Variants in ANKHD1 observed in about 807,000 individuals in gnomAD.
ANKHD1 encodes ankyrin repeat and KH domain-containing protein 1.
A neutral mutation model predicts 230.5 loss-of-function variants in ANKHD1; 31 were observed. That is an observed-to-expected ratio of 0.13 (90% CI 0.10 to 0.18). The LOEUF (loss-of-function observed/expected upper bound fraction) is 0.18, where lower values mean the gene tolerates loss of function less well. ANKHD1 is among the 10% of genes least tolerant of loss of function. The pLI is 1.00. For synonymous variants in ANKHD1, 1,074 were observed against 1,117.6 expected, an observed-to-expected ratio of 0.96 and a Z score of 0.78; for missense variants, 2,256 against 3,071.3, an observed-to-expected ratio of 0.73 and a Z score of 6.27.
intron 7 of ANKHD1, among the ~76,000 whole-genome samples, chr5:140,454,223 G>A (rs541277847): frequency 6.6e-6 from 1 of 152,230 alleles, no homozygotes; most frequent in African/African-American, 2.4e-5. Flanking sequence ...AGTCCTTAGA[G>A]ACCTACAAAG....
chr5:140,422,899 AG>A (rs1477119572), intron 1 of ANKHD1, among the ~76,000 whole-genome samples: 3 of 151,592 alleles, frequency 2.0e-5, no homozygotes, highest in Non-Finnish European at 4.4e-5. Flanking sequence ...TTTTTGAGAC[AG>A]GGTCTTGCTC....
At chr5:140,528,161 TTC>T in intron 28 of ANKHD1, 21 bp from the exon 29 acceptor site, 1 of 1,557,234 alleles carries the variant, frequency 6.4e-7, no homozygotes, top group Non-Finnish European at 8.6e-7. Context: ...TTGGTCTTGT[TTC>T]TGTTTTTTTT....
intron 15 of ANKHD1, among the ~76,000 whole-genome samples, chr5:140,503,997 G>A (rs554828049): frequency 6.6e-6 from 1 of 152,098 alleles, no homozygotes; most frequent in South Asian, 2.1e-4. Flanking sequence ...ATTGAATTTA[G>A]GAAACACATA....
chr5:140,454,580 A>C (rs535321895), intron 7 of ANKHD1, among the ~76,000 whole-genome samples: 1 of 152,210 alleles, frequency 6.6e-6, no homozygotes, highest in African/African-American at 2.4e-5. Context: ...GCTCAACTAC[A>C]TGGAAACTGA....
At chr5:140,477,429 T>C (rs572361409) in intron 10 of ANKHD1, among the ~76,000 whole-genome samples, 1 of 152,316 alleles carries the variant, frequency 6.6e-6, no homozygotes, top group African/African-American at 2.4e-5. Context: ...AAATATACTT[T>C]ATATTCTTTT....
At chr5:140,513,504 T>C (rs755879423) in intron 24 of ANKHD1, 25 bp downstream of exon 24, 2 of 1,606,784 alleles carry the variant, frequency 1.2e-6, no homozygotes, top group Non-Finnish European at 1.7e-6. Context: ...TAATTTTCCT[T>C]TTTAGAAATT....
In ANKHD1 at chr5:140,452,554, C is replaced by A. The variant is rs1286018406; in HGVS notation, c.1242+3249C>A. On this transcript the variant is annotated intron_variant, in intron 7 of 33. Transcript: ENST00000360839. ...AGGAACGATCAGGCAGGAACATTTG[C>A]TATTCAGCAATATTCACTGTTCTGC... Among the ~76,000 whole-genome samples the A allele has an allele frequency of 2.0e-5, 3 of 152,300 alleles. 1 individual carries two copies. The highest frequency in any genetic ancestry group is 3.9e-4 in the East Asian group (2 of 5,170).
Position 140,493,124 on chromosome 5 carries a change from C to T in ANKHD1, c.2246-3396C>T, listed in dbSNP as rs560742734. Among the ~76,000 whole-genome samples, 289 of 152,286 alleles carry T rather than the reference C, an allele frequency of 1.9e-3. 1 individual carries two copies. Among genetic ancestry groups the T allele is most frequent in the Middle Eastern group, 6.8e-3 (2 of 294 alleles). On this transcript the variant is annotated intron_variant, in intron 14 of 33. Coordinates refer to ENST00000360839, the MANE Select transcript of ANKHD1 (RefSeq NM_017747.3). ...TTGCCCAGGCTGGAGTGCATTGGCA[C>T]GATCTCAGCTCGCTGCAACTTCTGC...
rs751544763 is a variant in ANKHD1, at chr5:140,507,029, TTAAATGTC to T, written c.3551+55_3551+62del. 2 of 1,595,492 alleles carry T rather than the reference TTAAATGTC, an allele frequency of 1.3e-6. No individual in the cohort carries two copies. Among genetic ancestry groups the T allele is most frequent in the Non-Finnish European group, 1.7e-6 (2 of 1,173,164 alleles). On this transcript the variant is annotated intron_variant, in intron 19 of 33. Coordinates refer to ENST00000360839, the MANE Select transcript of ANKHD1 (RefSeq NM_017747.3). The surrounding 1 kb of genome is among the most constrained non-coding windows in gnomAD (Gnocchi z 4.1). ...TGTTTAGTAAGTTACTACTTTGGACTTAAATGTCTACCTCTTAACGTTTAGACAGATAC... is the reference window on the plus strand; with the variant it reads ...TGTTTAGTAAGTTACTACTTTGGACTTACCTCTTAACGTTTAGACAGATAC...
At chr5:140,499,712 C>A (rs1210521314) in intron 15 of ANKHD1, among the ~76,000 whole-genome samples, 1 of 152,006 alleles carries the variant, frequency 6.6e-6, no homozygotes, top group Non-Finnish European at 1.5e-5. Context: ...AACATGGTTC[C>A]TCAAGTCCTT....
chr5:140,504,830 C>T lies in ANKHD1; in HGVS notation c.3014C>T (p.Thr1005Ile). ...TLDDLIAAVS[T>I]RVPTGSNSSS... ...GAATATTGTTTTTCAGCTGTGAGTA[C>T]CAGAGTGCCCACTGGTTCCAACAGT... The change falls in exon 16 of 34, where the codon ACC (threonine) becomes ATC (isoleucine). Residue 1005 changes from threonine to isoleucine, a missense_variant. Around this residue, in one of 13 missense-constraint regions of ANKHD1, gnomAD observed 358 missense variants for 397.7 expected, o/e 0.90. Coordinates refer to ENST00000360839, the MANE Select transcript of ANKHD1 (RefSeq NM_017747.3). 6.2e-7 allele frequency: 1 copy of T among 1,612,620 alleles called. No individual in the cohort carries two copies. Among genetic ancestry groups the T allele is most frequent in the Non-Finnish European group, 8.5e-7 (1 of 1,179,632 alleles).
intron 1 of ANKHD1, among the ~76,000 whole-genome samples, chr5:140,414,547 G>A (rs1561682569): frequency 6.6e-6 from 1 of 152,058 alleles, no homozygotes; most frequent in Non-Finnish European, 1.5e-5. Flanking sequence ...AAATTGTATT[G>A]CCGATTAGGC....
intron 8 of ANKHD1, 49 bp from the exon 9 acceptor site, chr5:140,459,115 T>A: frequency 7.2e-7 from 1 of 1,396,388 alleles, no homozygotes; most frequent in Non-Finnish European, 9.4e-7. Flanking sequence ...TTAATATCTT[T>A]ATTATAAGTC....
chr5:140,471,397 G>A (rs1468733647), intron 10 of ANKHD1, among the ~76,000 whole-genome samples: 1 of 152,178 alleles, frequency 6.6e-6, no homozygotes, highest in Non-Finnish European at 1.5e-5. Flanking sequence ...GTATTTTAAT[G>A]GGACTGGCTA....
chr5:140,514,889 T>C lies in ANKHD1; in HGVS notation c.4317+1410T>C, dbSNP rs143585577. Among the ~76,000 whole-genome samples, 17 of 151,886 alleles carry C rather than the reference T, an allele frequency of 1.1e-4. No individual in the cohort carries two copies. In the East Asian group the frequency reaches 3.1e-3, roughly 28 times the overall value. On this transcript the variant is annotated intron_variant, in intron 24 of 33. Transcript: ENST00000360839. ...CAGGAGGCTGAGGCGAGAGGATCTC[T>C]TGGGCCTGGGAGGTTGAGGCTGCAA... is the stretch of plus-strand genomic sequence containing the variant.
chr5:140,491,135 TACAC>T (rs759585504), intron 14 of ANKHD1, among the ~76,000 whole-genome samples: 68 of 75,024 alleles, frequency 9.1e-4, no homozygotes, highest in African/African-American at 2.9e-3. Context: ...TATATATATA[TACAC>T]ATATATATAT....
intron 10 of ANKHD1, among the ~76,000 whole-genome samples, chr5:140,480,498 T>C (rs957208423): frequency 6.6e-6 from 1 of 152,110 alleles, no homozygotes; most frequent in Non-Finnish European, 1.5e-5. Context: ...TATGTTGATA[T>C]GACCTAATTA....
In ANKHD1 at chr5:140,440,106, G is replaced by A; in HGVS notation, c.618-13G>A. The stretch of plus-strand genomic sequence containing the variant: ...TTTTGTTTCGGTTAATTGTTGAATG[G>A]TTTTGTTTCCAGTCGCAGTCTAGCA... On this transcript the variant is annotated splice_polypyrimidine_tract_variant and intron_variant, in intron 3 of 33. Transcript: ENST00000360839. 1 of 1,591,818 alleles carries A rather than the reference G, an allele frequency of 6.3e-7. No homozygotes were observed.
chr5:140,412,514 T>G (rs966447873), intron 1 of ANKHD1, among the ~76,000 whole-genome samples: 5 of 152,120 alleles, frequency 3.3e-5, no homozygotes, highest in Non-Finnish European at 7.4e-5. Context: ...CATAAGAGAG[T>G]GTACCACTAG....
Sources: allele counts gnomAD v4.1 joint callset (sites outside exome capture counted in the v4.1 genomes callset), GRCh38; gene constraint gnomAD v4.1.1; regional missense constraint gnomAD v4.1.1; non-coding constraint Gnocchi (gnomAD v3.1); transcripts MANE v1.5; gene names NCBI Gene and HGNC (gene_info 2026-07-23, HGNC 2026-07-21).